ASIC2: variants seen among roughly 807,000 people sequenced by gnomAD.
ASIC2 encodes the protein acid-sensing ion channel 2.
A neutral mutation model predicts 57.3 loss-of-function variants in ASIC2; 25 were observed. The ratio of observed to expected loss-of-function variants is 0.44; its 90% CI spans 0.32 to 0.61. ASIC2 has a LOEUF of 0.61. ASIC2 is among the 20% of genes least tolerant of loss of function. The probability of loss-of-function intolerance (pLI) is 0.06; values close to 1 mark genes in which losing one functional copy is unlikely to be tolerated. For missense variants in ASIC2, 641 were observed against 738.1 expected, an observed-to-expected ratio of 0.87 and a Z score of 1.52; for synonymous variants, 319 against 307.5, an observed-to-expected ratio of 1.04 and a Z score of -0.39.
At chr17:33,128,643 G>T (rs2092333826) in intron 1 of ASIC2, among the ~76,000 whole-genome samples, 1 of 152,206 alleles carries the variant, frequency 6.6e-6, no homozygotes, top group East Asian at 1.9e-4. Context: ...ATTGAGGCAA[G>T]GTGCCAGAAT....
At chr17:33,933,464 G>A (rs1672087627) in intron 1 of ASIC2, among the ~76,000 whole-genome samples, 1 of 152,198 alleles carries the variant, frequency 6.6e-6, no homozygotes, top group African/African-American at 2.4e-5. Flanking sequence ...AGGCCAATGA[G>A]ATTCAGCCAT....
intron 1 of ASIC2, among the ~76,000 whole-genome samples, chr17:33,571,811 G>A (rs1165044367): frequency 2.6e-5 from 4 of 152,204 alleles, no homozygotes; most frequent in Non-Finnish European, 5.9e-5. Flanking sequence ...ATTTGCATGT[G>A]TGCTGGGTGC....
At position 33,782,455 on chromosome 17, in the gene ASIC2, G is replaced by A. The variant is rs76647878; in HGVS notation, c.555+373523C>T. ...TCTTTTAAAAATATAAGCTGGCCAGGCATGGTGGCTCACACCTGTAATTCC... is the reference window on the plus strand; with the variant it reads ...TCTTTTAAAAATATAAGCTGGCCAGACATGGTGGCTCACACCTGTAATTCC... On this transcript the variant is annotated intron_variant, in intron 1 of 9. Transcript: ENST00000359872. 9.2e-3 allele frequency among the ~76,000 whole-genome samples: 1,386 copies of A among 151,238 alleles called. 33 individuals are homozygous for A. Among genetic ancestry groups the A allele is most frequent in the East Asian group, 0.061 (316 of 5,160 alleles).
chr17:34,080,380 A>G (rs967559543), intron 1 of ASIC2, among the ~76,000 whole-genome samples: 1 of 152,232 alleles, frequency 6.6e-6, no homozygotes, highest in Admixed American at 6.5e-5. Flanking sequence ...CACTAAATTC[A>G]AAACACTCAA....
intron 1 of ASIC2, among the ~76,000 whole-genome samples, chr17:34,119,570 C>T (rs571913258): frequency 4.0e-4 from 61 of 151,994 alleles, no homozygotes; most frequent in Admixed American, 6.6e-4. Flanking sequence ...CAAAGTCCAG[C>T]TCTAAAGTCA....
intron 1 of ASIC2, among the ~76,000 whole-genome samples, chr17:33,122,633 A>G (rs1774801897): frequency 6.6e-6 from 1 of 152,156 alleles, no homozygotes; most frequent in Non-Finnish European, 1.5e-5. Context: ...CTACTACCTC[A>G]CATACTTATC....
At chr17:33,687,876 C>T (rs1219501081) in intron 1 of ASIC2, among the ~76,000 whole-genome samples, 1 of 152,146 alleles carries the variant, frequency 6.6e-6, no homozygotes, top group African/African-American at 2.4e-5. Flanking sequence ...CGCTATTTGG[C>T]TCTTCCCAAA....
At chr17:33,401,391 C>A (rs1451455250) in intron 1 of ASIC2, among the ~76,000 whole-genome samples, 3 of 152,152 alleles carry the variant, frequency 2.0e-5, no homozygotes, top group Admixed American at 6.5e-5. Flanking sequence ...GTAGTGTTAA[C>A]CTCTTCCATC....
chr17:33,769,961 T>A (rs1911046785), intron 1 of ASIC2, among the ~76,000 whole-genome samples: 1 of 152,204 alleles, frequency 6.6e-6, no homozygotes, highest in African/African-American at 2.4e-5. Flanking sequence ...CCCAGTACCA[T>A]CATGTTGGGG....
At position 33,400,303 on chromosome 17, in the gene ASIC2, A is replaced by G. The variant is rs1290413763; in HGVS notation, c.556-288236T>C. Among the ~76,000 whole-genome samples, 4 of 152,226 alleles carry G rather than the reference A, an allele frequency of 2.6e-5. No homozygotes were observed. The East Asian group carries it at 7.7e-4, about 29-fold the overall frequency. ...GAAGATCTCATTATAAGGAAGAAGCAGTGCTCAGGGAATCTGTCAGGGTCT... is the reference window on the plus strand; with the variant it reads ...GAAGATCTCATTATAAGGAAGAAGCGGTGCTCAGGGAATCTGTCAGGGTCT... On this transcript the variant is annotated intron_variant, in intron 1 of 9. Transcript: ENST00000359872.
intron 1 of ASIC2, among the ~76,000 whole-genome samples, chr17:33,979,784 G>T (rs1330321463): frequency 2.6e-5 from 4 of 152,106 alleles, no homozygotes; most frequent in African/African-American, 9.7e-5. Context: ...TGACCTACAA[G>T]GTCTAAATCA....
intron 1 of ASIC2, among the ~76,000 whole-genome samples, chr17:33,367,238 G>C (rs1297230673): frequency 1.3e-5 from 2 of 152,216 alleles, no homozygotes; most frequent in South Asian, 4.1e-4. Context: ...GAGGCTCAGA[G>C]GTGAGTGTAT....
At chr17:34,078,592 G>C (rs1474401633) in intron 1 of ASIC2, among the ~76,000 whole-genome samples, 1 of 152,126 alleles carries the variant, frequency 6.6e-6, no homozygotes, top group Non-Finnish European at 1.5e-5. Flanking sequence ...TCTAGAAGCA[G>C]CAATGAGGAA....
At chr17:33,820,344 A>T (rs1183903787) in intron 1 of ASIC2, among the ~76,000 whole-genome samples, 1 of 152,232 alleles carries the variant, frequency 6.6e-6, no homozygotes, top group African/African-American at 2.4e-5. Context: ...GATTTGGCAG[A>T]CTTACTACAA....
chr17:33,401,807 C>T (rs1910295676), intron 1 of ASIC2, among the ~76,000 whole-genome samples: 1 of 152,004 alleles, frequency 6.6e-6, no homozygotes, highest in African/African-American at 2.4e-5. Context: ...ACTTGGCAGG[C>T]CTGGAAAGGA....
chr17:33,594,479 C>T (rs187964818), intron 1 of ASIC2, among the ~76,000 whole-genome samples: 14 of 152,320 alleles, frequency 9.2e-5, no homozygotes, highest in Admixed American at 2.0e-4. Context: ...TTACAAAGCA[C>T]ATTTATGCTC....
chr17:34,139,189 T>C lies in ASIC2; in HGVS notation c.555+16789A>G, dbSNP rs532270094. Among the ~76,000 whole-genome samples the C allele has an allele frequency of 2.0e-5, 3 of 152,330 alleles. No homozygotes were observed. The East Asian group carries it at 5.8e-4, about 29-fold the overall frequency. On this transcript the variant is annotated intron_variant, in intron 1 of 9. Coordinates refer to the ASIC2 transcript ENST00000359872. ...TGGAGCTACCTAGCAGTTATTATCT[T>C]AGCCAAATGATCAAAAACTAGCATC...
chr17:33,292,033 G>T lies in ASIC2; in HGVS notation c.83C>A (p.Ala28Glu), dbSNP rs894004086. ...GRFRMAREEP[A>E]PAALAAAGQP... ...CCCGGCAGCCGCCAACGCCGCGGGC[G>T]CCGGCTCCTCGCGGGCCATGCGGAA... Residue 28 changes from alanine (A) to glutamate (E), a missense_variant, in exon 1 of 10, where the codon GCG becomes GAG. Transcript: ENST00000225823. The T allele has an allele frequency of 3.4e-6, 4 of 1,167,538 alleles. No individual in the cohort carries two copies. The East Asian group carries it at 1.3e-4, about 37-fold the overall frequency. 72.3% of individuals were successfully genotyped at this position (1,167,538 alleles called of 1,614,324 possible).
chr17:33,442,725 G>T (rs1375770251), intron 1 of ASIC2, among the ~76,000 whole-genome samples: 1 of 151,904 alleles, frequency 6.6e-6, no homozygotes, highest in African/African-American at 2.4e-5. Flanking sequence ...TGAGAATAAA[G>T]ACAGTTTTTT....
Sources: allele counts gnomAD v4.1 joint callset (sites outside exome capture counted in the v4.1 genomes callset), GRCh38; gene constraint gnomAD v4.1.1; transcripts MANE v1.5; gene names NCBI Gene and HGNC (gene_info 2026-07-23, HGNC 2026-07-21).